The following TCIRG1 variants were observed in gnomAD, a reference collection of about 807,000 sequenced individuals.
The protein encoded by TCIRG1 is V-type proton ATPase 116 kDa subunit a 3.
In TCIRG1, 86 loss-of-function variants were observed where a neutral mutation model predicts 95.5. The observed-to-expected ratio is 0.90, with a 90% CI of 0.76 to 1.08. The LOEUF is 1.08. Ranked by LOEUF, TCIRG1 falls within the 50% of genes least tolerant of loss-of-function variation. The pLI is 0.00. For missense variants in TCIRG1, 1,069 were observed against 1,140.2 expected (o/e 0.94, Z 0.90); for synonymous variants, 499 against 501.3 (o/e 1.00, Z 0.06).
In TCIRG1 at chr11:68,043,919, C is replaced by A. The variant is rs771947923; in HGVS notation, c.807+12C>A. The A allele has an allele frequency of 6.5e-7, 1 of 1,538,764 alleles. No homozygotes were observed. Among genetic ancestry groups the A allele is most frequent in the South Asian group, 1.2e-5 (1 of 84,016 alleles). ...AGGAGCTGCAGGAGGTGGGTGCCCC[C>A]GGCCTTCCGGAGGCGGGTGTAGGAG... On this transcript the variant is annotated intron_variant, in intron 8 of 19. Coordinates refer to ENST00000265686, the MANE Select transcript of TCIRG1 (RefSeq NM_006019.4).
chr11:68,047,264 C>T (rs1000666892), intron 10 of TCIRG1, among the ~76,000 whole-genome samples, 169 bp from the exon 11 acceptor site: 3 of 114,184 alleles, frequency 2.6e-5, no homozygotes, highest in Non-Finnish European at 5.9e-5. Flanking sequence ...CCCCCCCCCC[C>T]CCCGTCTCGG....
Position 68,043,682 on chromosome 11 carries a change from G to A in TCIRG1, c.713+29G>A, listed in dbSNP as rs139054835. ...AGTCACTGGGAACACCCGCCCCACC[G>A]CCCTGCTCCCCAGGCCCCTGCTGTC... is the stretch of plus-strand genomic sequence containing the variant. On this transcript the variant is annotated intron_variant, in intron 7 of 19. Coordinates refer to ENST00000265686, the MANE Select transcript of TCIRG1 (RefSeq NM_006019.4). 2.1e-4 allele frequency: 324 copies of A among 1,576,290 alleles called. 2 individuals are homozygous for A. In the East Asian group the frequency reaches 5.4e-3, roughly 26 times the overall value.
In TCIRG1 at chr11:68,049,190, G is replaced by A. The variant is rs1488352542; in HGVS notation, c.1783G>A (p.Val595Ile). Residue 595 changes from valine to isoleucine, a missense_variant, in exon 15 of 20, where the codon GTC (valine) becomes ATC (isoleucine). Physicochemically the swap from Val to Ile is conservative, Grantham distance 29 (BLOSUM62 3). Coordinates refer to ENST00000265686, the MANE Select transcript of TCIRG1 (RefSeq NM_006019.4). ...CCTAGTCATCTACAAGTGGCTGTGT[G>A]TCTGGGCTGCCAGGGCCGCCTCGGC... ...VFLVIYKWLC[V>I]WAARAASAPS... 1 of 1,613,918 alleles carries A rather than the reference G, an allele frequency of 6.2e-7. No individual in the cohort carries two copies.
At chr11:68,047,854 C>G (rs757475097) in intron 12 of TCIRG1, 28 bp from the exon 13 acceptor site, 13 of 1,613,036 alleles carry the variant, frequency 8.1e-6, no homozygotes, top group Admixed American at 1.7e-5. Flanking sequence ...ACCCGCAGCC[C>G]TGACCGCCCT....
chr11:68,050,041 G>C lies in TCIRG1; in HGVS notation c.2093G>C (p.Gly698Ala), dbSNP rs1012603909. Residue 698 changes from glycine (G) to alanine (A), a missense_variant, in exon 17 of 20, where the codon GGC (glycine) becomes GCC (alanine). Coordinates refer to ENST00000265686, the MANE Select transcript of TCIRG1 (RefSeq NM_006019.4). Reference sequence around the variant, plus strand: ...AGCTCCGATGAGGAAAAGGCAGGGGGCCTGGATGATGAAGAGGAGGCCGAG... The same window carrying C: ...AGCTCCGATGAGGAAAAGGCAGGGGCCCTGGATGATGAAGAGGAGGCCGAG... ...GWSSDEEKAG[G>A]LDDEEEAELV... is the part of the protein sequence containing the mutation. 1.2e-6 allele frequency: 2 copies of C among 1,613,386 alleles called. No individual in the cohort carries two copies. The highest frequency in any genetic ancestry group is 2.2e-5 in the East Asian group (1 of 44,876).
chr11:68,047,905 C>G lies in TCIRG1; in HGVS notation c.1487C>G (p.Thr496Arg), dbSNP rs141474168. Residue 496 changes from threonine (T) to arginine (R), a missense_variant, in exon 13 of 20, where the codon ACG becomes AGG. Thr to Arg is a moderately conservative substitution (Grantham distance 71). Transcript: ENST00000265686. ...AGTGATGCATTCCTGGCCCAGCACA[C>G]GATGCTTACCCTGGATCCCAACGTC... ...GWSDAFLAQH[T>R]MLTLDPNVTG... The G allele has an allele frequency of 1.9e-6, 3 of 1,613,704 alleles. No individual in the cohort carries two copies. The highest frequency in any genetic ancestry group is 2.5e-6 in the Non-Finnish European group (3 of 1,179,996).
chr11:68,043,542 C>A (rs1346360291), intron 6 of TCIRG1, 29 bp from the exon 7 acceptor site: 2 of 1,596,470 alleles, frequency 1.3e-6, no homozygotes, highest in East Asian at 4.5e-5. Context: ...CAGAGCGGGA[C>A]CCCAGAGTCA....
chr11:68,046,399 T>C (rs911720210), intron 10 of TCIRG1, among the ~76,000 whole-genome samples: 12 of 152,214 alleles, frequency 7.9e-5, no homozygotes, highest in Admixed American at 2.0e-4. Flanking sequence ...CTTCTGAGGC[T>C]GTCCAGGAAG....
At chr11:68,049,502 C>T (rs373367046) in intron 15 of TCIRG1, 161 bp from the exon 16 acceptor site, 1 of 1,109,646 alleles carries the variant, frequency 9.0e-7, no homozygotes. Context: ...CTCAGGAGTC[C>T]TTATGGAGGC....
At chr11:68,051,499 C>G (rs556563229), downstream of TCIRG1, among the ~76,000 whole-genome samples, 93 of 152,220 alleles carry the variant, frequency 6.1e-4, no homozygotes, top group Admixed American at 3.3e-3. Flanking sequence ...GCAGTTCCCT[C>G]TGGCCTGGGT....
At chr11:68,042,586 G>A in intron 3 of TCIRG1, 57 bp from the exon 4 acceptor site, 1 of 1,396,206 alleles carries the variant, frequency 7.2e-7, no homozygotes. Flanking sequence ...AGCAGGTGGG[G>A]CCCTCAACTG....
intron 3 of TCIRG1, 109 bp downstream of exon 3, chr11:68,041,940 G>A (rs1855190140): frequency 3.9e-6 from 4 of 1,021,830 alleles, no homozygotes; most frequent in Admixed American, 4.0e-5. Context: ...GCAGAGAAGG[G>A]AGGTATATGC....
At chr11:68,051,844 G>A (rs1855808372), downstream of TCIRG1, among the ~76,000 whole-genome samples, 1 of 152,244 alleles carries the variant, frequency 6.6e-6, no homozygotes, top group Non-Finnish European at 1.5e-5. Context: ...GCTGGGCAGA[G>A]ACTTGGGGCG....
chr11:68,049,970 C>T lies in TCIRG1; in HGVS notation c.2022C>T (p.Asn674=). 1 of 1,611,188 alleles carries T rather than the reference C, an allele frequency of 6.2e-7. No individual in the cohort carries two copies. The highest frequency in any genetic ancestry group is 2.2e-5 in the East Asian group (1 of 44,844). Residue 674 remains asparagine, a synonymous_variant, in exon 17 of 20, where the codon AAC becomes AAT. Coordinates refer to ENST00000265686, the MANE Select transcript of TCIRG1 (RefSeq NM_006019.4). ...RRRPADRQEE[N]KAGLLDLPDA... ...GCCTGCTCATGCCCCAGGAGGAAAACAAGGCCGGGTTGCTGGACCTGCCTG... is the reference window on the plus strand; with the variant it reads ...GCCTGCTCATGCCCCAGGAGGAAAATAAGGCCGGGTTGCTGGACCTGCCTG...
At chr11:68,049,917 C>T (rs1221485098) in intron 16 of TCIRG1, 45 bp from the exon 17 acceptor site, 4 of 1,572,894 alleles carry the variant, frequency 2.5e-6, no homozygotes, top group Admixed American at 3.7e-5. Context: ...GGTGGGGGAC[C>T]TCCTGGGGCT....
chr11:68,049,907 G>A, intron 16 of TCIRG1, 55 bp from the exon 17 acceptor site: 1 of 1,566,888 alleles, frequency 6.4e-7, no homozygotes, highest in Non-Finnish European at 8.6e-7. Context: ...CCTGGCGGGT[G>A]GTGGGGGACC....
downstream of TCIRG1, chr11:68,053,094 C>G (rs375437302): frequency 6.6e-6 from 1 of 152,406 alleles, no homozygotes; most frequent in Non-Finnish European, 1.5e-5. Context: ...AGGTAAGGGC[C>G]GGGAAACCGG....
At chr11:68,049,352 C>T (rs1565163013) in intron 15 of TCIRG1, 58 bp downstream of exon 15, 14 of 1,513,568 alleles carry the variant, frequency 9.2e-6, no homozygotes, top group Non-Finnish European at 1.3e-5. Flanking sequence ...CCCGCGGTCA[C>T]AGGGCCACTG....
At chr11:68,049,526 G>A in intron 15 of TCIRG1, 137 bp from the exon 16 acceptor site, 4 of 1,268,836 alleles carry the variant, frequency 3.2e-6, no homozygotes, top group Non-Finnish European at 3.3e-6. Flanking sequence ...CCCTCACCCA[G>A]TGAGGGCACG....
Sources: allele counts gnomAD v4.1 joint callset (sites outside exome capture counted in the v4.1 genomes callset), GRCh38; gene constraint gnomAD v4.1.1; transcripts MANE v1.5; gene names NCBI Gene and HGNC (gene_info 2026-07-23, HGNC 2026-07-21).